XRCC4: variants seen among roughly 807,000 people sequenced by gnomAD.
The protein encoded by XRCC4 is DNA repair protein XRCC4.
XRCC4 carries 28 observed loss-of-function variants against 39.1 expected under a neutral mutation model. The observed-to-expected ratio is 0.72, with a 90% CI of 0.53 to 0.98. XRCC4 has a LOEUF of 0.98. XRCC4 is among the 50% of genes least tolerant of loss of function. The pLI is 0.00. For synonymous variants in XRCC4, 123 were observed against 126.4 expected (o/e 0.97, Z 0.18); for missense variants, 350 against 376.4 (o/e 0.93, Z 0.58).
the XRCC4 span, among the ~76,000 whole-genome samples, chr5:83,366,831 G>A: frequency 3.9e-5 from 6 of 151,938 alleles, no homozygotes; most frequent in African/African-American, 1.2e-4. Flanking sequence ...CTTTTTTCAC[G>A]TTATCAGGGA....
At position 83,089,486 on chromosome 5, in the gene XRCC4, C is replaced by T. The variant is rs772827315; in HGVS notation, c.-11+11871C>T. Among the ~76,000 whole-genome samples the T allele has an allele frequency of 1.5e-3, 233 of 152,230 alleles. 2 individuals are homozygous for T. The highest frequency in any genetic ancestry group is 3.4e-3 in the Middle Eastern group (1 of 292). ...AATCATAACTCCAATTCTCTAACAC[C>T]AAGTGGGTATTCAACAATTCAGTAC... On this transcript the variant is annotated intron_variant, in intron 1 of 7. Transcript: ENST00000396027.
intron 7 of XRCC4, among the ~76,000 whole-genome samples, chr5:83,270,082 T>A (rs963359424): frequency 1.3e-5 from 2 of 152,168 alleles, no homozygotes; most frequent in Non-Finnish European, 1.5e-5. Context: ...TAGATTCTCA[T>A]AAGGAGCACA....
chr5:83,224,115 A>G (rs1485654456), intron 6 of XRCC4, among the ~76,000 whole-genome samples: 2 of 151,818 alleles, frequency 1.3e-5, no homozygotes, highest in East Asian at 1.9e-4. Context: ...AATTTAGTCT[A>G]TTTACATTGT....
chr5:83,163,576 A>G (rs1387427601), intron 3 of XRCC4, among the ~76,000 whole-genome samples: 3 of 152,246 alleles, frequency 2.0e-5, no homozygotes, highest in African/African-American at 7.2e-5. Context: ...AAGCATTTAA[A>G]TCATAACAGA....
At chr5:83,270,934 C>T (rs543334114) in intron 7 of XRCC4, among the ~76,000 whole-genome samples, 59 of 151,842 alleles carry the variant, frequency 3.9e-4, no homozygotes, top group Non-Finnish European at 6.8e-4. Flanking sequence ...CATAGGCGCC[C>T]GCCACCATGC....
chr5:83,247,345 G>A (rs11960296), intron 6 of XRCC4, among the ~76,000 whole-genome samples: 2 of 152,026 alleles, frequency 1.3e-5, no homozygotes, highest in Non-Finnish European at 2.9e-5. Flanking sequence ...GAACTGGGCC[G>A]CACAGCAGTC....
At chr5:83,217,054 C>T (rs559939908) in intron 6 of XRCC4, among the ~76,000 whole-genome samples, 7 of 151,536 alleles carry the variant, frequency 4.6e-5, no homozygotes, top group Admixed American at 3.9e-4. Context: ...CACACACACA[C>T]ACACCCCAAA....
intron 7 of XRCC4, among the ~76,000 whole-genome samples, chr5:83,345,402 A>C (rs902270574): frequency 1.3e-5 from 2 of 152,194 alleles, no homozygotes; most frequent in African/African-American, 4.8e-5. Flanking sequence ...CTGACACACA[A>C]AAAAATTGAA....
the XRCC4 span, among the ~76,000 whole-genome samples, chr5:83,362,794 G>A: frequency 6.6e-6 from 1 of 152,090 alleles, no homozygotes; most frequent in Non-Finnish European, 1.5e-5. Context: ...ATTATTCTCT[G>A]TATCAATAAT....
At chr5:83,165,098 A>G (rs987210644) in intron 3 of XRCC4, among the ~76,000 whole-genome samples, 14 of 152,234 alleles carry the variant, frequency 9.2e-5, no homozygotes, top group Admixed American at 3.9e-4. Context: ...ACAGCTTTGA[A>G]CAAACATTAA....
chr5:83,191,322 C>T lies in XRCC4; in HGVS notation c.316-4448C>T, dbSNP rs1283810583. 5.3e-5 allele frequency among the ~76,000 whole-genome samples: 8 copies of T among 152,226 alleles called. No homozygotes were observed. In the East Asian group the frequency reaches 1.5e-3, roughly 29 times the overall value. On this transcript the variant is annotated intron_variant, in intron 3 of 7. Coordinates refer to ENST00000396027, the MANE Select transcript of XRCC4 (RefSeq NM_003401.5). ...CAATTCCCGTGTGTCATGGGAGGAACCTGGTGGGAGGTGATTGAATTACAG... is the reference window on the plus strand; with the variant it reads ...CAATTCCCGTGTGTCATGGGAGGAATCTGGTGGGAGGTGATTGAATTACAG...
rs186947793 is a variant in XRCC4, at chr5:83,107,426, G to A, written c.139+2368G>A. Among the ~76,000 whole-genome samples, 390 of 151,652 alleles carry A rather than the reference G, an allele frequency of 2.6e-3. 1 individual carries two copies. Among genetic ancestry groups the A allele is most frequent in the Non-Finnish European group, 3.6e-3 (243 of 67,686 alleles). On this transcript the variant is annotated intron_variant, in intron 2 of 7. Transcript: ENST00000396027. ...TTTGATTACTGCAACCTTCAATTTG[G>A]ACAATTTTTTTTCTCTTTTTATTTG...
At chr5:83,084,064 T>C (rs977163623) in intron 1 of XRCC4, among the ~76,000 whole-genome samples, 11 of 151,684 alleles carry the variant, frequency 7.3e-5, no homozygotes, top group Non-Finnish European at 1.5e-4. Flanking sequence ...GGATATCAAA[T>C]CCTGGTACAT....
Position 83,152,477 on chromosome 5 carries a change from AC to A in XRCC4, c.315+41275del, listed in dbSNP as rs565558584. Among the ~76,000 whole-genome samples the A allele has an allele frequency of 2.9e-3, 443 of 152,208 alleles. 4 individuals are homozygous for A. The highest frequency in any genetic ancestry group is 0.01 in the African/African-American group (427 of 41,530). ...GTGAAACCCTGTCTCGACTAAAAAT[AC>A]AAAAATTAGCTGGGCTTGGTGGCGG... On this transcript the variant is annotated intron_variant, in intron 3 of 7. Coordinates refer to ENST00000396027, the MANE Select transcript of XRCC4 (RefSeq NM_003401.5).
At chr5:83,269,265 A>G (rs566065942) in intron 7 of XRCC4, among the ~76,000 whole-genome samples, 1 of 152,222 alleles carries the variant, frequency 6.6e-6, no homozygotes, top group East Asian at 1.9e-4. Flanking sequence ...TAATATAGTA[A>G]TGATGTACCT....
chr5:83,321,745 A>C (rs1371290843), intron 7 of XRCC4, among the ~76,000 whole-genome samples: 1 of 152,060 alleles, frequency 6.6e-6, no homozygotes, highest in Non-Finnish European at 1.5e-5. Flanking sequence ...GAATTGTGGA[A>C]TACAGATAAG....
At chr5:83,143,812 G>A (rs1456580463) in intron 3 of XRCC4, among the ~76,000 whole-genome samples, 1 of 150,726 alleles carries the variant, frequency 6.6e-6, no homozygotes, top group African/African-American at 2.4e-5. Flanking sequence ...TTGTTCTTTT[G>A]CATGTAATTG....
At chr5:83,245,026 C>T (rs955253554) in intron 6 of XRCC4, among the ~76,000 whole-genome samples, 12 of 152,090 alleles carry the variant, frequency 7.9e-5, no homozygotes, top group African/African-American at 2.2e-4. Flanking sequence ...ATCACACCAG[C>T]TTGGAACAAT....
chr5:83,355,945 A>C (rs1757185364), downstream of XRCC4, among the ~76,000 whole-genome samples: 1 of 152,150 alleles, frequency 6.6e-6, no homozygotes, highest in African/African-American at 2.4e-5. Context: ...GCCAGGTTTG[A>C]CAGTAGAGAG....
Sources: gnomAD v4.1 joint callset for allele counts (sites outside exome capture counted in the v4.1 genomes callset) on GRCh38, gnomAD v4.1.1 for gene constraint, MANE v1.5 for transcripts, NCBI Gene and HGNC (gene_info 2026-07-23, HGNC 2026-07-21) for gene names.